Variants in SYT16 observed in about 807,000 individuals in gnomAD.
SYT16 encodes the protein synaptotagmin-16.
Under a neutral mutation model 61.4 loss-of-function variants are expected in SYT16, and 42 were observed. The observed-to-expected ratio is 0.68, with a 90% CI of 0.53 to 0.89. The LOEUF (loss-of-function observed/expected upper bound fraction) is 0.89. Among genes scored for constraint, SYT16 ranks in the 40% least tolerant of loss-of-function variants. The probability of loss-of-function intolerance (pLI) is 0.00; values close to 1 mark genes in which losing one functional copy is unlikely to be tolerated. For synonymous variants in SYT16, 314 were observed against 302.3 expected (o/e 1.04, Z -0.40); for missense variants, 804 against 807.3 (o/e 1.00, Z 0.05).
chr14:62,047,268 C>T lies in SYT16; in HGVS notation c.524-22335C>T, dbSNP rs77274241. Among the ~76,000 whole-genome samples the T allele has an allele frequency of 2.4e-4, 36 of 152,250 alleles. 1 individual carries two copies. The East Asian group carries it at 7.0e-3, about 29-fold the overall frequency. The stretch of plus-strand genomic sequence containing the variant: ...ATGGGAGTTCACTCATGATTTGGCT[C>T]TCTGTTTGTCTGTTATTGGTGTATA... On this transcript the variant is annotated intron_variant, in intron 3 of 7. Coordinates refer to ENST00000683842, the MANE Select transcript of SYT16 (RefSeq NM_001367656.1).
chr14:62,000,939 G>A (rs534328129), intron 3 of SYT16, among the ~76,000 whole-genome samples: 4 of 151,932 alleles, frequency 2.6e-5, no homozygotes, highest in Non-Finnish European at 5.9e-5. Context: ...TCTTAGAATG[G>A]TTAAAATAAG....
At chr14:61,964,741 T>G (rs533810699) in intron 1 of SYT16, among the ~76,000 whole-genome samples, 2 of 151,852 alleles carry the variant, frequency 1.3e-5, no homozygotes, top group East Asian at 3.9e-4. Flanking sequence ...AAAGGAAGAG[T>G]CAGTTGATGA....
intron 1 of SYT16, among the ~76,000 whole-genome samples, chr14:61,875,648 G>A (rs2047462847): frequency 6.6e-6 from 1 of 152,186 alleles, no homozygotes; most frequent in South Asian, 2.1e-4. Flanking sequence ...CAGGGACAGA[G>A]TCCAAGTCAG....
intron 1 of SYT16, among the ~76,000 whole-genome samples, chr14:61,932,520 C>T (rs1243056192): frequency 6.6e-6 from 1 of 152,070 alleles, no homozygotes; most frequent in African/African-American, 2.4e-5. Flanking sequence ...CTTATAAAAC[C>T]ATCAGATCTC....
intron 1 of SYT16, among the ~76,000 whole-genome samples, chr14:61,839,871 G>A (rs2046252214): frequency 6.6e-6 from 1 of 151,474 alleles, no homozygotes; most frequent in African/African-American, 2.4e-5. Context: ...TCATTAATCT[G>A]GGAACATTGT....
intron 4 of SYT16, among the ~76,000 whole-genome samples, 168 bp downstream of exon 4, chr14:62,069,983 A>T (rs1390701882): frequency 6.6e-6 from 1 of 152,164 alleles, no homozygotes; most frequent in Non-Finnish European, 1.5e-5. Context: ...TCCCAAGGGG[A>T]CTGCCATGCA....
chr14:62,098,539 C>G (rs1056831320), intron 7 of SYT16, among the ~76,000 whole-genome samples: 2 of 152,280 alleles, frequency 1.3e-5, no homozygotes, highest in South Asian at 4.1e-4. Context: ...TTCTGGCACT[C>G]TAGTGGAGGG....
chr14:61,984,355 C>G (rs1319757029), intron 2 of SYT16, among the ~76,000 whole-genome samples: 1 of 152,092 alleles, frequency 6.6e-6, no homozygotes, highest in Non-Finnish European at 1.5e-5. Flanking sequence ...TCCAAAGAAG[C>G]TGAAATGAAT....
At chr14:61,859,116 C>T (rs2046883177) in intron 1 of SYT16, among the ~76,000 whole-genome samples, 2 of 152,100 alleles carry the variant, frequency 1.3e-5, no homozygotes, top group Admixed American at 1.3e-4. Context: ...GCCTCGGCCT[C>T]CCAAAGTGTT....
chr14:62,109,462 G>C lies in SYT16; in HGVS notation c.*8755G>C, dbSNP rs537443424. On this transcript the variant is annotated 3_prime_UTR_variant, in exon 8 of 8. Coordinates refer to ENST00000683842, the MANE Select transcript of SYT16 (RefSeq NM_001367656.1). ...GCTATGGCAAATTTTATTAAAGTGC[G>C]TGCTCTCAGGAAAAGCTGCATATAT... 6.6e-6 allele frequency: 1 copy of C among 151,834 alleles called. No homozygotes were observed. Among genetic ancestry groups the C allele is most frequent in the Non-Finnish European group, 1.5e-5 (1 of 67,992 alleles). 9.4% of individuals were successfully genotyped at this position (151,834 alleles called of 1,614,324 possible). A position where few individuals can be genotyped will look rare whatever the true frequency, so the allele number is the denominator to read the frequency against.
At chr14:61,947,097 C>T (rs1302443501) in intron 1 of SYT16, among the ~76,000 whole-genome samples, 1 of 151,994 alleles carries the variant, frequency 6.6e-6, no homozygotes, top group Non-Finnish European at 1.5e-5. Flanking sequence ...ACTACTGCTG[C>T]AAAGAGTGGA....
chr14:61,860,551 T>C (rs1341803852), intron 1 of SYT16, among the ~76,000 whole-genome samples: 1 of 152,228 alleles, frequency 6.6e-6, no homozygotes, highest in Non-Finnish European at 1.5e-5. Context: ...AGCAAGCTTT[T>C]AGAAACTGTT....
chr14:61,964,991 A>AT (rs1409805426), intron 1 of SYT16, among the ~76,000 whole-genome samples: 2 of 152,090 alleles, frequency 1.3e-5, no homozygotes, highest in Non-Finnish European at 2.9e-5. Context: ...AAACTACAGT[A>AT]TAGTGTAAAC....
rs115711758 is a variant in SYT16 at position 61,957,558 on chromosome 14, T to C, written c.-324-12574T>C. The stretch of plus-strand genomic sequence containing the variant: ...GATGCTTTTTCTGCATCTATTGAGA[T>C]GATTATGTGATTTTTATCTTTCATT... On this transcript the variant is annotated intron_variant, in intron 1 of 7. Transcript: ENST00000683842. Among the ~76,000 whole-genome samples, 513 of 152,134 alleles carry C rather than the reference T, an allele frequency of 3.4e-3. 1 individual carries two copies. The highest frequency in any genetic ancestry group is 0.012 in the African/African-American group (487 of 41,560).
intron 1 of SYT16, among the ~76,000 whole-genome samples, chr14:61,871,787 T>C (rs1030865260): frequency 1.3e-5 from 2 of 152,248 alleles, no homozygotes; most frequent in Admixed American, 6.5e-5. Context: ...TATTAAATGA[T>C]ATAAAATGCC....
chr14:61,943,353 AAAG>A (rs377445649), intron 1 of SYT16, among the ~76,000 whole-genome samples: 144 of 152,338 alleles, frequency 9.5e-4, no homozygotes, highest in Middle Eastern at 3.4e-3. Context: ...AACAATAGAA[AAAG>A]AAGGACTCCT....
At chr14:61,899,515 C>T (rs753689167) in intron 1 of SYT16, among the ~76,000 whole-genome samples, 25 of 152,170 alleles carry the variant, frequency 1.6e-4, no homozygotes, top group Non-Finnish European at 3.1e-4. Context: ...TCAGTATGGG[C>T]TGGCTGAGTG....
chr14:61,887,179 C>CA (rs1160397244), intron 1 of SYT16, among the ~76,000 whole-genome samples: 1 of 152,174 alleles, frequency 6.6e-6, no homozygotes, highest in African/African-American at 2.4e-5. Context: ...TCTTGGGTGA[C>CA]AAGGTGTACT....
chr14:61,892,377 C>T (rs187377550), intron 1 of SYT16, among the ~76,000 whole-genome samples: 4 of 152,098 alleles, frequency 2.6e-5, no homozygotes, highest in African/African-American at 4.8e-5. Flanking sequence ...TCTTTGCCCT[C>T]GCTTTGTCCC....
Sources: gnomAD v4.1 joint callset for allele counts (sites outside exome capture counted in the v4.1 genomes callset) on GRCh38, gnomAD v4.1.1 for gene constraint, MANE v1.5 for transcripts, NCBI Gene and HGNC (gene_info 2026-07-23, HGNC 2026-07-21) for gene names.